The following SGCZ variants were observed in gnomAD, a reference collection of about 807,000 sequenced individuals.
SGCZ encodes sarcoglycan zeta, also known as zeta-sarcoglycan.
Under a neutral mutation model 41.3 loss-of-function variants are expected in SGCZ, and 40 were observed. The observed-to-expected ratio is 0.97, with a 90% CI of 0.75 to 1.26. The LOEUF is 1.26. Among genes scored for constraint, SGCZ ranks in the 50% most tolerant of loss-of-function variants. The probability of loss-of-function intolerance (pLI) is 0.00; values close to 1 mark genes in which losing one functional copy is unlikely to be tolerated. For missense variants in SGCZ, 552 were observed against 369.8 expected (o/e 1.49, Z -4.04); for synonymous variants, 206 against 137.5 (o/e 1.50, Z -3.49).
At chr8:14,656,219 CAG>C (rs1470213262) in intron 1 of SGCZ, among the ~76,000 whole-genome samples, 1 of 82,252 alleles carries the variant, frequency 1.2e-5, no homozygotes, top group East Asian at 3.0e-4. Flanking sequence ...TGTCTTTATC[CAG>C]AGATAAAGTG....
chr8:15,146,737 T>C (rs1244863146), intron 1 of SGCZ, among the ~76,000 whole-genome samples: 1 of 152,226 alleles, frequency 6.6e-6, no homozygotes, highest in Non-Finnish European at 1.5e-5. Context: ...TTTTAAATTA[T>C]GTATTAATTA....
intron 1 of SGCZ, among the ~76,000 whole-genome samples, chr8:14,753,564 A>G (rs1428544154): frequency 1.3e-5 from 2 of 152,196 alleles, no homozygotes; most frequent in African/African-American, 4.8e-5. Flanking sequence ...CCCCTTTAAG[A>G]TAAGTCTGAT....
In SGCZ at chr8:14,088,684, T is replaced by G. The variant is rs1801599913; in HGVS notation, c.*1759A>C. 6.6e-6 allele frequency among the ~76,000 whole-genome samples: 1 copy of G among 151,890 alleles called. No homozygotes were observed. The highest frequency in any genetic ancestry group is 6.6e-5 in the Admixed American group (1 of 15,198). ...TAATCACATTTTATTTTAACAGTAA[T>G]AAATTAGCCTTTGAACCCTTCTGCT... On this transcript the variant is annotated 3_prime_UTR_variant, in exon 8 of 8. Coordinates refer to ENST00000382080, the MANE Select transcript of SGCZ (RefSeq NM_139167.4).
chr8:14,462,712 A>G (rs1261541347), intron 2 of SGCZ, among the ~76,000 whole-genome samples: 3 of 151,922 alleles, frequency 2.0e-5, no homozygotes, highest in African/African-American at 4.8e-5. Flanking sequence ...GTCCCAGGAC[A>G]TTCTATATAA....
intron 1 of SGCZ, among the ~76,000 whole-genome samples, chr8:14,947,280 T>C (rs1800484321): frequency 6.6e-6 from 1 of 152,156 alleles, no homozygotes; most frequent in Non-Finnish European, 1.5e-5. Flanking sequence ...AAACACACAG[T>C]GAGGTAAATC....
chr8:14,217,417 T>C (rs1585242068), intron 4 of SGCZ, among the ~76,000 whole-genome samples: 1 of 151,314 alleles, frequency 6.6e-6, no homozygotes, highest in Non-Finnish European at 1.5e-5. Context: ...TCTCCTGGCA[T>C]AGATATTGTA....
In SGCZ at chr8:15,184,203, T is replaced by G. The variant is rs138892377; in HGVS notation, c.39+53382A>C. 1.3e-3 allele frequency among the ~76,000 whole-genome samples: 198 copies of G among 152,344 alleles called. 1 individual carries two copies. The East Asian group carries it at 0.018, about 14-fold the overall frequency. ...GTAATTATAAATTCTTCATCATATA[T>G]ACTGTCACTAGTAGAACTTCTGGTA... is the stretch of plus-strand genomic sequence containing the variant. On this transcript the variant is annotated intron_variant, in intron 1 of 7. Transcript: ENST00000382080.
intron 1 of SGCZ, among the ~76,000 whole-genome samples, chr8:14,784,178 G>T (rs574602953): frequency 6.6e-6 from 1 of 151,290 alleles, no homozygotes; most frequent in South Asian, 2.1e-4. Context: ...AGCCTCCCTA[G>T]TAGCAGGGAA....
chr8:15,075,890 TA>T (rs986383324), intron 1 of SGCZ, among the ~76,000 whole-genome samples: 14 of 151,594 alleles, frequency 9.2e-5, no homozygotes, highest in Non-Finnish European at 1.6e-4. Flanking sequence ...GAATCACTGA[TA>T]AGTACTAGGC....
chr8:15,151,283 T>A (rs1284031170), intron 1 of SGCZ, among the ~76,000 whole-genome samples: 1 of 152,188 alleles, frequency 6.6e-6, no homozygotes, highest in African/African-American at 2.4e-5. Context: ...ATGAGCCAAA[T>A]CTATCCCCAC....
At position 14,692,610 on chromosome 8, in the gene SGCZ, C is replaced by A. The variant is rs117472949; in HGVS notation, c.40-137684G>T. Among the ~76,000 whole-genome samples the A allele has an allele frequency of 1.5e-3, 222 of 152,230 alleles. 1 individual carries two copies. In the South Asian group the frequency reaches 0.018, roughly 12 times the overall value. ...TAAAGCAAACATAAAAAAGCAACTG[C>A]TTTGTGGAGAAATATGCTTTGCTAT... On this transcript the variant is annotated intron_variant, in intron 1 of 7. Coordinates refer to ENST00000382080, the MANE Select transcript of SGCZ (RefSeq NM_139167.4).
intron 2 of SGCZ, among the ~76,000 whole-genome samples, chr8:14,420,103 T>C (rs1281962213): frequency 6.6e-6 from 1 of 152,114 alleles, no homozygotes; most frequent in Non-Finnish European, 1.5e-5. Flanking sequence ...TTTTATGTTA[T>C]AATCCAGCCT....
chr8:14,241,394 T>C (rs939040573), intron 3 of SGCZ, among the ~76,000 whole-genome samples: 5 of 149,200 alleles, frequency 3.4e-5, no homozygotes, highest in African/African-American at 1.2e-4. Flanking sequence ...CATGATACAC[T>C]ACTATAAAGA....
chr8:14,666,661 A>C (rs982328167), intron 1 of SGCZ, among the ~76,000 whole-genome samples: 6 of 148,790 alleles, frequency 4.0e-5, no homozygotes, highest in African/African-American at 1.5e-4. Context: ...AGAGACAAGG[A>C]CATATCTTGT....
chr8:14,519,754 A>G (rs1802734913), intron 2 of SGCZ, among the ~76,000 whole-genome samples: 1 of 152,124 alleles, frequency 6.6e-6, no homozygotes, highest in Non-Finnish European at 1.5e-5. Context: ...CATAGAATAT[A>G]TTGGTTTTTG....
chr8:14,528,735 T>C (rs2117118885), intron 2 of SGCZ, among the ~76,000 whole-genome samples: 1 of 151,608 alleles, frequency 6.6e-6, no homozygotes, highest in Admixed American at 6.6e-5. Flanking sequence ...TGGCCCAATT[T>C]CTATTTCTGG....
At chr8:15,234,988 C>G (rs1802076465) in intron 1 of SGCZ, among the ~76,000 whole-genome samples, 1 of 152,034 alleles carries the variant, frequency 6.6e-6, no homozygotes, top group South Asian at 2.1e-4. Context: ...TCATAAAAAC[C>G]AAAGTTCTGT....
intron 2 of SGCZ, among the ~76,000 whole-genome samples, chr8:14,397,968 C>G (rs986357552): frequency 6.6e-6 from 1 of 152,112 alleles, no homozygotes; most frequent in African/African-American, 2.4e-5. Context: ...GATGAATTCC[C>G]TTGAACGATG....
At chr8:14,540,687 T>A (rs768129834) in intron 2 of SGCZ, among the ~76,000 whole-genome samples, 10 of 151,988 alleles carry the variant, frequency 6.6e-5, no homozygotes, top group Non-Finnish European at 1.2e-4. Flanking sequence ...ACATATCTTA[T>A]TACATAATTC....
Sources: gnomAD v4.1 joint callset for allele counts (sites outside exome capture counted in the v4.1 genomes callset) on GRCh38, gnomAD v4.1.1 for gene constraint, MANE v1.5 for transcripts, NCBI Gene and HGNC (gene_info 2026-07-23, HGNC 2026-07-21) for gene names.